SIDT1: variants seen among roughly 807,000 people sequenced by gnomAD.
The protein encoded by SIDT1 is SID1 transmembrane family, member 1.
In SIDT1, 101 loss-of-function variants were observed where a neutral mutation model predicts 107.5. The ratio of observed to expected loss-of-function variants is 0.94; its 90% CI spans 0.80 to 1.11. The LOEUF is 1.11. SIDT1 is among the 50% of genes least tolerant of loss of function. SIDT1 has a pLI of 0.00. For synonymous variants in SIDT1, 395 were observed against 398.2 expected, an observed-to-expected ratio of 0.99 and a Z score of 0.10; for missense variants, 1,076 against 1,058.2, an observed-to-expected ratio of 1.02 and a Z score of -0.23.
At chr3:113,544,430 T>C (rs1939335238) in intron 1 of SIDT1, among the ~76,000 whole-genome samples, 1 of 152,132 alleles carries the variant, frequency 6.6e-6, no homozygotes, top group South Asian at 2.1e-4. Context: ...GACCTTGTGA[T>C]CCACCCAGCT....
At chr3:113,605,074 A>T in intron 14 of SIDT1, 98 bp downstream of exon 14, 1 of 1,261,334 alleles carries the variant, frequency 7.9e-7, no homozygotes, top group Non-Finnish European at 1.1e-6. Context: ...CTTAGGATCC[A>T]TTCAGGAATT....
chr3:113,606,927 A>G lies in SIDT1; in HGVS notation c.1405-114A>G, dbSNP rs556287328. ...ATCTGTGCAGAGGAGCACTGGTTAC[A>G]TTGTAAACTAGTGACAGTGCATCTC... On this transcript the variant is annotated intron_variant, in intron 14 of 24. Transcript: ENST00000264852. 4.5e-5 allele frequency: 32 copies of G among 711,394 alleles called. 1 individual carries two copies. In the East Asian group the frequency reaches 6.8e-4, roughly 15 times the overall value. The allele number at this position is 711,394 out of a possible 1,614,324, so 44.1% of individuals were successfully genotyped here.
In SIDT1 at chr3:113,532,901, GCAT is replaced by G. The variant is rs1443053456; in HGVS notation, c.-118_-116del. 4.7e-6 allele frequency: 3 copies of G among 638,750 alleles called. No individual in the cohort carries two copies. The highest frequency in any genetic ancestry group is 6.9e-6 in the Non-Finnish European group (3 of 433,464). 39.6% of individuals were successfully genotyped at this position (638,750 alleles called of 1,614,324 possible). A position where few individuals can be genotyped will look rare whatever the true frequency, so the allele number is the denominator to read the frequency against. The stretch of plus-strand genomic sequence containing the variant: ...AGCCCTGGCCGGCTGGGTTCGCCAG[GCAT>G]CACCCGCTCGGCTCTGAAGCGGACG... On this transcript the variant is annotated 5_prime_UTR_variant, in exon 1 of 25. Coordinates refer to ENST00000264852, the MANE Select transcript of SIDT1 (RefSeq NM_017699.3).
At chr3:113,542,647 G>C (rs1021360094) in intron 1 of SIDT1, among the ~76,000 whole-genome samples, 2 of 152,110 alleles carry the variant, frequency 1.3e-5, no homozygotes, top group African/African-American at 4.8e-5. Flanking sequence ...CATTAGATTA[G>C]TATTTCTTAC....
rs184680050 is a variant in SIDT1, at chr3:113,615,224, G to C, written c.1967-876G>C. 309 of 809,878 alleles carry C rather than the reference G, an allele frequency of 3.8e-4. 5 individuals are homozygous for C. The East Asian group carries it at 8.1e-3, about 21-fold the overall frequency. 50.2% of individuals were successfully genotyped at this position (809,878 alleles called of 1,614,324 possible). ...GTGGGGAGCCAGAGAGAGGCTCAGA[G>C]GGGAGGCTGCACTCCACCCTAGCCT... On this transcript the variant is annotated intron_variant, in intron 19 of 24. Transcript: ENST00000264852.
intron 10 of SIDT1, chr3:113,595,084 C>T (rs1944444628): frequency 6.5e-6 from 1 of 153,838 alleles, no homozygotes. Context: ...ACCTACACAT[C>T]AGATAAACCT....
chr3:113,535,830 T>G (rs958709333), intron 1 of SIDT1, among the ~76,000 whole-genome samples: 1 of 152,230 alleles, frequency 6.6e-6, no homozygotes, highest in Non-Finnish European at 1.5e-5. Context: ...ATTAACCTCC[T>G]GTCCTACCAG....
At chr3:113,562,702 A>G (rs1045569606) in intron 1 of SIDT1, among the ~76,000 whole-genome samples, 1 of 152,156 alleles carries the variant, frequency 6.6e-6, no homozygotes, top group African/African-American at 2.4e-5. Flanking sequence ...GGACTGGGGG[A>G]AGGAAGGAAT....
chr3:113,603,087 G>C lies in SIDT1; in HGVS notation c.1200G>C (p.Val400=), dbSNP rs757933703. The C allele has an allele frequency of 3.7e-6, 6 of 1,614,030 alleles. No individual in the cohort carries two copies. The highest frequency in any genetic ancestry group is 2.2e-5 in the East Asian group (1 of 44,898). The change falls in exon 12 of 25, where the codon GTG becomes GTC. Residue 400 remains valine (V), a synonymous_variant. Transcript: ENST00000264852. ...GCCAGTCAGACACAGACAGCTCCGT[G>C]GAGGAGAGCGACTTCGACACCATGC... The part of the protein sequence containing the change: ...PPGQSDTDSS[V]EESDFDTMPD...
rs767411886 is a variant in SIDT1 at position 113,623,663 on chromosome 3, G to C, written c.2237G>C (p.Cys746Ser). ...AAGGTCCTCCCAGTCCCGCTCTTCT[G>C]CATCGTGGCCACCGCTGTGATGTGG... The part of the protein sequence containing the change: ...SEKVLPVPLF[C>S]IVATAVMWAA... The change falls in exon 23 of 25, where the codon TGC (cysteine) becomes TCC (serine). Residue 746 changes from cysteine to serine, a missense_variant. Transcript: ENST00000264852. 1.2e-6 allele frequency: 2 copies of C among 1,614,110 alleles called. No individual in the cohort carries two copies. The highest frequency in any genetic ancestry group is 2.7e-5 in the African/African-American group (2 of 75,066).
At position 113,603,167 on chromosome 3, in the gene SIDT1, G is replaced by A. The variant is rs767207526; in HGVS notation, c.1263+17G>A. On this transcript the variant is annotated intron_variant, in intron 12 of 24. Transcript: ENST00000264852. ...CGGACCAAGGTACCCACTCTGCCTC[G>A]CCGTACTCTTTGAGAGGGCAGAAAG... The A allele has an allele frequency of 3.1e-6, 5 of 1,606,434 alleles. No individual in the cohort carries two copies. The highest frequency in any genetic ancestry group is 2.7e-5 in the African/African-American group (2 of 74,644).
chr3:113,611,223 C>A lies in SIDT1; in HGVS notation c.1857+79C>A, dbSNP rs908071394. 2.0e-5 allele frequency: 31 copies of A among 1,539,792 alleles called. No homozygotes were observed. In the African/African-American group the frequency reaches 4.1e-4, roughly 20 times the overall value. On this transcript the variant is annotated intron_variant, in intron 18 of 24. Transcript: ENST00000264852. ...AATAAACAAACAACAATCAAGTGAA[C>A]GGGTTTGGATTAACCAAAATCCTCA...
rs368901751 is a variant in SIDT1 at position 113,608,165 on chromosome 3, G to A, written c.1550G>A (p.Arg517His). The change falls in exon 16 of 25, where the codon CGC (arginine) becomes CAC (histidine). Residue 517 changes from arginine (R) to histidine (H), a missense_variant. Arg to His is a conservative substitution (Grantham distance 29). Coordinates refer to ENST00000264852, the MANE Select transcript of SIDT1 (RefSeq NM_017699.3). ...TTCCTCTTCCTGCTGATAGTCTTGC[G>A]CCGCGACATCCTCCATCGGAGAGCC... ...LGFLFLLIVL[R>H]RDILHRRALE... 2.7e-5 allele frequency: 43 copies of A among 1,611,688 alleles called. No individual in the cohort carries two copies. The highest frequency in any genetic ancestry group is 2.0e-4 in the African/African-American group (15 of 74,862).
chr3:113,559,062 T>C (rs1941172722), intron 1 of SIDT1, among the ~76,000 whole-genome samples: 1 of 152,230 alleles, frequency 6.6e-6, no homozygotes, highest in South Asian at 2.1e-4. Context: ...ATGAATATAA[T>C]TTATCTCTTC....
intron 1 of SIDT1, among the ~76,000 whole-genome samples, chr3:113,534,065 G>C (rs1465511006): frequency 2.0e-5 from 3 of 152,126 alleles, no homozygotes; most frequent in African/African-American, 7.2e-5. Flanking sequence ...GGCGGGGAGA[G>C]AGAGGGAGAC....
chr3:113,636,826 AAT>A, the SIDT1 span, among the ~76,000 whole-genome samples: 1 of 152,220 alleles, frequency 6.6e-6, no homozygotes, highest in African/African-American at 2.4e-5. Context: ...TGATCAACTA[AAT>A]ATATTCTAGT....
At chr3:113,552,633 T>C (rs562262108) in intron 1 of SIDT1, among the ~76,000 whole-genome samples, 3 of 152,210 alleles carry the variant, frequency 2.0e-5, no homozygotes, top group African/African-American at 7.2e-5. Flanking sequence ...TTGCTTGGGG[T>C]TCTTCCCCCA....
At chr3:113,608,614 C>G in intron 17 of SIDT1, 78 bp downstream of exon 17, 1 of 1,012,186 alleles carries the variant, frequency 9.9e-7, no homozygotes, top group Non-Finnish European at 1.6e-6. Context: ...ATGCCAAAGT[C>G]ATGCTTGCAA....
At chr3:113,636,810 T>A in the SIDT1 span, among the ~76,000 whole-genome samples, 1 of 152,222 alleles carries the variant, frequency 6.6e-6, no homozygotes, top group Non-Finnish European at 1.5e-5. Context: ...AAGGAGCTGT[T>A]GACCCTGATC....
Sources: gnomAD v4.1 joint callset for allele counts (sites outside exome capture counted in the v4.1 genomes callset) on GRCh38, gnomAD v4.1.1 for gene constraint, MANE v1.5 for transcripts, NCBI Gene and HGNC (gene_info 2026-07-23, HGNC 2026-07-21) for gene names.